Variants in SLC2A13 observed in about 807,000 individuals in gnomAD.
SLC2A13 encodes solute carrier family 2 member 13, also known as proton myo-inositol cotransporter.
SLC2A13 carries 32 observed loss-of-function variants against 64.4 expected under a neutral mutation model. That is an observed-to-expected ratio of 0.50 (90% CI 0.37 to 0.67). SLC2A13 has a LOEUF of 0.67. Ranked by LOEUF, SLC2A13 falls within the 30% of genes least tolerant of loss-of-function variation. The pLI, the probability that SLC2A13 is intolerant of heterozygous loss-of-function variation, is 0.00. For missense variants in SLC2A13, 743 were observed against 829.2 expected, an observed-to-expected ratio of 0.90 and a Z score of 1.28; for synonymous variants, 338 against 327.1, an observed-to-expected ratio of 1.03 and a Z score of -0.36.
intron 1 of SLC2A13, among the ~76,000 whole-genome samples, chr12:40,078,470 C>T (rs1364232786): frequency 6.6e-6 from 1 of 152,152 alleles, no homozygotes; most frequent in Non-Finnish European, 1.5e-5. Flanking sequence ...ATCAACCTTG[C>T]ATCCCAGGAA....
At chr12:40,038,060 T>G (rs1265649456) in intron 2 of SLC2A13, among the ~76,000 whole-genome samples, 1 of 152,226 alleles carries the variant, frequency 6.6e-6, no homozygotes, top group Admixed American at 6.5e-5. Flanking sequence ...CTCCTATTAT[T>G]CTAGCTTCTT....
chr12:40,080,329 T>C (rs1021568563), intron 1 of SLC2A13, among the ~76,000 whole-genome samples: 2 of 152,214 alleles, frequency 1.3e-5, no homozygotes, highest in Non-Finnish European at 2.9e-5. Context: ...AGTTGGGTCT[T>C]CTTCTTTATG....
chr12:40,003,335 T>G (rs1308610545), intron 3 of SLC2A13, among the ~76,000 whole-genome samples: 1 of 152,218 alleles, frequency 6.6e-6, no homozygotes, highest in Non-Finnish European at 1.5e-5. Flanking sequence ...TCATTTTTAA[T>G]GCAGTGCTAG....
At chr12:39,771,880 T>G (rs1940591949) in intron 7 of SLC2A13, among the ~76,000 whole-genome samples, 1 of 152,066 alleles carries the variant, frequency 6.6e-6, no homozygotes, top group Non-Finnish European at 1.5e-5. Flanking sequence ...TAAACTAAAT[T>G]ACTTATTTTC....
intron 6 of SLC2A13, among the ~76,000 whole-genome samples, chr12:39,832,954 G>A (rs1355194979): frequency 2.0e-5 from 3 of 151,854 alleles, no homozygotes; most frequent in East Asian, 1.9e-4. Flanking sequence ...AGCCTCAAAC[G>A]GATTCTCAAA....
chr12:39,825,100 AATCT>A (rs899820452), intron 7 of SLC2A13, among the ~76,000 whole-genome samples: 7 of 152,158 alleles, frequency 4.6e-5, no homozygotes, highest in African/African-American at 1.7e-4. Flanking sequence ...CCAAATAGGG[AATCT>A]ATCTAGCTAT....
intron 7 of SLC2A13, among the ~76,000 whole-genome samples, chr12:39,812,500 G>A (rs1289763751): frequency 6.7e-6 from 1 of 148,168 alleles, no homozygotes; most frequent in East Asian, 2.0e-4. Flanking sequence ...TGAGATAGAT[G>A]CTTGCTCTGT....
chr12:39,797,589 T>C (rs773916218), intron 7 of SLC2A13, among the ~76,000 whole-genome samples: 1 of 152,210 alleles, frequency 6.6e-6, no homozygotes, highest in Non-Finnish European at 1.5e-5. Context: ...TCGTCCCTTT[T>C]GTTGTCTCTC....
chr12:39,928,622 T>C (rs1313211686), intron 4 of SLC2A13, among the ~76,000 whole-genome samples: 1 of 152,226 alleles, frequency 6.6e-6, no homozygotes, highest in African/African-American at 2.4e-5. Flanking sequence ...GATTTTTAAA[T>C]GGCTTATGAA....
intron 3 of SLC2A13, among the ~76,000 whole-genome samples, chr12:40,003,672 T>C (rs929019331): frequency 6.6e-6 from 1 of 151,716 alleles, no homozygotes. Flanking sequence ...AGAGGTATCA[T>C]CGTGGGTTTT....
At chr12:39,937,068 G>T (rs538236175) in intron 4 of SLC2A13, among the ~76,000 whole-genome samples, 1 of 152,260 alleles carries the variant, frequency 6.6e-6, no homozygotes, top group African/African-American at 2.4e-5. Context: ...AAGTTGAAAT[G>T]CTGTGGTGAG....
At chr12:40,065,444 G>A (rs1238982174) in intron 1 of SLC2A13, among the ~76,000 whole-genome samples, 1 of 151,954 alleles carries the variant, frequency 6.6e-6, no homozygotes, top group Non-Finnish European at 1.5e-5. Flanking sequence ...AACTAGCTGG[G>A]CATGGTAGTG....
At chr12:39,938,211 C>A (rs141594825) in intron 4 of SLC2A13, among the ~76,000 whole-genome samples, 2 of 152,100 alleles carry the variant, frequency 1.3e-5, no homozygotes, top group African/African-American at 4.8e-5. Flanking sequence ...CATGTAATCA[C>A]ATTTGGGAGG....
At chr12:39,876,622 C>G (rs1198965651) in intron 4 of SLC2A13, among the ~76,000 whole-genome samples, 1 of 151,964 alleles carries the variant, frequency 6.6e-6, no homozygotes, top group Admixed American at 6.6e-5. Flanking sequence ...ATATGAAAAC[C>G]TTAGTGACAT....
In SLC2A13 at chr12:39,871,749, G is replaced by A. The variant is rs898439305; in HGVS notation, c.1198+49C>T. ...TGTATTTTTGAAGGTTAAACTTGAA[G>A]TTATTAGGAAATAAAGTTTATAATT... On this transcript the variant is annotated intron_variant, in intron 5 of 9. Coordinates refer to ENST00000280871, the MANE Select transcript of SLC2A13 (RefSeq NM_052885.4). 2.6e-6 allele frequency: 4 copies of A among 1,520,808 alleles called. No homozygotes were observed. The African/African-American group carries it at 4.2e-5, about 16-fold the overall frequency. The allele number at this position is 1,520,808 out of a possible 1,614,324, so 94.2% of individuals were successfully genotyped here. A position where few individuals can be genotyped will look rare whatever the true frequency, so the allele number is the denominator to read the frequency against.
At chr12:39,849,118 C>G (rs1214041613) in intron 6 of SLC2A13, among the ~76,000 whole-genome samples, 1 of 152,022 alleles carries the variant, frequency 6.6e-6, no homozygotes, top group Non-Finnish European at 1.5e-5. Context: ...CAACAAGCCC[C>G]TGTGACATGT....
intron 3 of SLC2A13, among the ~76,000 whole-genome samples, chr12:39,999,956 CCT>C (rs1301676490): frequency 2.0e-5 from 3 of 152,200 alleles, no homozygotes; most frequent in African/African-American, 2.4e-5. Context: ...CTGTAAAATT[CCT>C]CTCTTTGTAC....
chr12:39,924,473 TCTTC>T (rs1441595701), intron 4 of SLC2A13, among the ~76,000 whole-genome samples: 13 of 152,082 alleles, frequency 8.5e-5, no homozygotes, highest in African/African-American at 1.7e-4. Context: ...TTTCAATTCT[TCTTC>T]CTTCATTTTT....
intron 3 of SLC2A13, among the ~76,000 whole-genome samples, chr12:39,979,233 C>T (rs1289237356): frequency 1.6e-5 from 2 of 122,348 alleles, no homozygotes; most frequent in Non-Finnish European, 3.5e-5. Flanking sequence ...AAAAACAGAA[C>T]AGAAAAACTG....
Sources: allele counts gnomAD v4.1 joint callset (sites outside exome capture counted in the v4.1 genomes callset), GRCh38; gene constraint gnomAD v4.1.1; transcripts MANE v1.5; gene names NCBI Gene and HGNC (gene_info 2026-07-23, HGNC 2026-07-21).